Variants in MAPK6 observed in about 807,000 individuals in gnomAD.
MAPK6 encodes the protein ERK-3.
MAPK6 carries 19 observed loss-of-function variants against 59.3 expected under a neutral mutation model. That is an observed-to-expected ratio of 0.32 (90% confidence interval 0.22 to 0.47). The LOEUF (loss-of-function observed/expected upper bound fraction) is 0.47. Among genes scored for constraint, MAPK6 ranks in the 20% least tolerant of loss-of-function variants. The pLI is 1.00. For missense variants in MAPK6, 724 were observed against 847.9 expected (o/e 0.85, Z 1.81); for synonymous variants, 316 against 290.3 (o/e 1.09, Z -0.90).
chr15:52,041,595 T>G (rs1228304892), intron 1 of MAPK6, among the ~76,000 whole-genome samples: 1 of 152,222 alleles, frequency 6.6e-6, no homozygotes, highest in African/African-American at 2.4e-5. Context: ...CATCTGCTGG[T>G]CCAACTGAGT....
intron 3 of MAPK6, among the ~76,000 whole-genome samples, chr15:52,055,657 A>T: frequency 6.6e-6 from 1 of 152,112 alleles, no homozygotes; most frequent in Non-Finnish European, 1.5e-5. Flanking sequence ...CTGGGACTAT[A>T]GGTGCATGCC....
At position 52,056,157 on chromosome 15, in the gene MAPK6, T is replaced by C. The variant is rs549738543; in HGVS notation, c.701-2476T>C. Among the ~76,000 whole-genome samples the C allele has an allele frequency of 5.9e-5, 9 of 152,346 alleles. No individual in the cohort carries two copies. The South Asian group carries it at 1.9e-3, about 32-fold the overall frequency. On this transcript the variant is annotated intron_variant, in intron 3 of 5. Transcript: ENST00000261845. ...TGTGTTTTTAGCCTGTGTGTCTTAT[T>C]TTTTGGTGCATTTCTCTTGTGTGTC... is the stretch of plus-strand genomic sequence containing the variant.
At chr15:52,029,884 TC>T (rs2030962473) in intron 1 of MAPK6, among the ~76,000 whole-genome samples, 1 of 152,252 alleles carries the variant, frequency 6.6e-6, no homozygotes, top group Non-Finnish European at 1.5e-5. Context: ...CTTCAGACAT[TC>T]TTCTCCCAGT....
chr15:51,972,044 C>T (rs1187576748), intron 1 of MAPK6, among the ~76,000 whole-genome samples: 1 of 152,092 alleles, frequency 6.6e-6, no homozygotes, highest in Non-Finnish European at 1.5e-5. Context: ...TGGGGAAGGG[C>T]CTCTGGCTGG....
At chr15:51,982,743 A>C (rs1279825206) in intron 1 of MAPK6, among the ~76,000 whole-genome samples, 1 of 152,212 alleles carries the variant, frequency 6.6e-6, no homozygotes, top group Non-Finnish European at 1.5e-5. Context: ...TTTCAACTAT[A>C]GGCACTCTGA....
chr15:52,051,562 ATTTTTT>A (rs985886084), intron 3 of MAPK6, among the ~76,000 whole-genome samples: 1 of 152,064 alleles, frequency 6.6e-6, no homozygotes, highest in Non-Finnish European at 1.5e-5. Context: ...GCTCTTTATA[ATTTTTT>A]TCTAATATTT....
intron 5 of MAPK6, 130 bp from the exon 6 acceptor site, chr15:52,063,772 C>G: frequency 1.6e-6 from 1 of 626,516 alleles, no homozygotes; most frequent in Non-Finnish European, 2.4e-6. Flanking sequence ...TAGGGCAAGG[C>G]AGGCATATTT....
chr15:52,065,068 T>G lies in MAPK6; in HGVS notation c.*68T>G. The G allele has an allele frequency of 1.4e-6, 2 of 1,401,000 alleles. No individual in the cohort carries two copies. Among genetic ancestry groups the G allele is most frequent in the Non-Finnish European group, 1.9e-6 (2 of 1,047,758 alleles). The allele number at this position is 1,401,000 out of a possible 1,614,324, so 86.8% of individuals were successfully genotyped here. A position where few individuals can be genotyped will look rare whatever the true frequency, so the allele number is the denominator to read the frequency against. ...GTTTTGTCTTTTTTTATTACTAGTGTTTAAGTCATTTTTTACTTGAATCAG... is the reference window on the plus strand; with the variant it reads ...GTTTTGTCTTTTTTTATTACTAGTGGTTAAGTCATTTTTTACTTGAATCAG... On this transcript the variant is annotated 3_prime_UTR_variant, in exon 6 of 6. Coordinates refer to ENST00000261845, the MANE Select transcript of MAPK6 (RefSeq NM_002748.4).
chr15:52,044,552 T>C (rs992343499), intron 1 of MAPK6, among the ~76,000 whole-genome samples: 3 of 152,184 alleles, frequency 2.0e-5, no homozygotes, highest in Non-Finnish European at 2.9e-5. Flanking sequence ...TTAGGAATTC[T>C]GACCACCTGA....
chr15:51,988,269 A>G (rs965368079), intron 2 of MAPK6, among the ~76,000 whole-genome samples: 2 of 152,294 alleles, frequency 1.3e-5, no homozygotes, highest in Non-Finnish European at 2.9e-5. Flanking sequence ...GAGAAAACCT[A>G]TTAGGAAAAA....
chr15:52,013,850 C>T (rs559383063), intron 3 of MAPK6, among the ~76,000 whole-genome samples: 1 of 152,278 alleles, frequency 6.6e-6, no homozygotes, highest in Admixed American at 6.5e-5. Flanking sequence ...TCAATCTACC[C>T]TTCCTATTAA....
At chr15:51,988,141 C>G (rs1164123355) in intron 2 of MAPK6, among the ~76,000 whole-genome samples, 1 of 151,850 alleles carries the variant, frequency 6.6e-6, no homozygotes, top group Non-Finnish European at 1.5e-5. Context: ...TCCAAGGTAC[C>G]TAAACAATTT....
intron 2 of MAPK6, among the ~76,000 whole-genome samples, chr15:52,049,110 G>C (rs2031693296): frequency 6.6e-6 from 1 of 152,142 alleles, no homozygotes; most frequent in South Asian, 2.1e-4. Context: ...GATGAAATAA[G>C]GCAATATATG....
intron 1 of MAPK6, among the ~76,000 whole-genome samples, chr15:52,044,753 C>G (rs184048001): frequency 6.3e-4 from 96 of 151,846 alleles, no homozygotes; most frequent in Non-Finnish European, 1.2e-3. Flanking sequence ...GTACAGAGAT[C>G]AATATAATGA....
intron 1 of MAPK6, among the ~76,000 whole-genome samples, chr15:52,041,237 C>T (rs990489099): frequency 1.3e-5 from 2 of 152,068 alleles, no homozygotes; most frequent in African/African-American, 4.8e-5. Context: ...GCTCTTGTTG[C>T]TCAGGCTAGA....
At chr15:52,025,037 G>A (rs186866240) in intron 1 of MAPK6, among the ~76,000 whole-genome samples, 39 of 151,982 alleles carry the variant, frequency 2.6e-4, no homozygotes, top group East Asian at 5.8e-4. Context: ...ACTGCTAAAC[G>A]ATGCATACAC....
At chr15:52,049,593 G>T (rs528768118) in intron 2 of MAPK6, among the ~76,000 whole-genome samples, 3 of 150,940 alleles carry the variant, frequency 2.0e-5, no homozygotes, top group Admixed American at 6.6e-5. Context: ...CTCCCAAAGT[G>T]CTGGGGTTAA....
intron 1 of MAPK6, among the ~76,000 whole-genome samples, chr15:51,981,290 G>A (rs920431140): frequency 1.3e-5 from 2 of 151,738 alleles, no homozygotes; most frequent in Non-Finnish European, 2.9e-5. Flanking sequence ...TGGCTAACAC[G>A]GTGAAACCCC....
chr15:51,990,847 G>A (rs1261600314), intron 2 of MAPK6, among the ~76,000 whole-genome samples: 11 of 152,152 alleles, frequency 7.2e-5, no homozygotes, highest in Admixed American at 5.2e-4. Context: ...CCGGCTACTC[G>A]GGAGGCTGAG....
Sources: allele counts gnomAD v4.1 joint callset (sites outside exome capture counted in the v4.1 genomes callset), GRCh38; gene constraint gnomAD v4.1.1; transcripts MANE v1.5; gene names NCBI Gene and HGNC (gene_info 2026-07-23, HGNC 2026-07-21).